MLIP: variants seen among roughly 807,000 people sequenced by gnomAD.
MLIP encodes the protein muscular LMNA-interacting protein.
MLIP carries 79 observed loss-of-function variants against 84.8 expected under a neutral mutation model. That is an observed-to-expected ratio of 0.93 (90% CI 0.78 to 1.12). MLIP has a LOEUF of 1.12. Ranked by LOEUF, MLIP falls within the 50% of genes most tolerant of loss-of-function variation. The pLI is 0.00. For synonymous variants in MLIP, 504 were observed against 463.0 expected, an observed-to-expected ratio of 1.09 and a Z score of -1.14; for missense variants, 1,257 against 1,160.6, an observed-to-expected ratio of 1.08 and a Z score of -1.21.
chr6:54,127,193 G>A (rs951442124), intron 3 of MLIP, among the ~76,000 whole-genome samples: 7 of 150,212 alleles, frequency 4.7e-5, no homozygotes, highest in Non-Finnish European at 7.4e-5. Context: ...TCATGTTTGT[G>A]ATTTTCTTTA....
At chr6:54,036,789 G>A (rs950954543) in intron 1 of MLIP, among the ~76,000 whole-genome samples, 1 of 152,020 alleles carries the variant, frequency 6.6e-6, no homozygotes, top group African/African-American at 2.4e-5. Context: ...TGCATTCCAT[G>A]TTCATTGTGA....
chr6:54,137,507 G>C lies in MLIP; in HGVS notation c.1438G>C (p.Glu480Gln). 6.5e-7 allele frequency: 1 copy of C among 1,536,058 alleles called. No individual in the cohort carries two copies. Among genetic ancestry groups the C allele is most frequent in the Non-Finnish European group, 8.7e-7 (1 of 1,146,890 alleles). Residue 480 changes from glutamate (E) to glutamine (Q), a missense_variant, in exon 4 of 14, where the codon GAA becomes CAA. Physicochemically the swap from Glu to Gln is conservative, Grantham distance 29. Coordinates refer to ENST00000502396, the MANE Select transcript of MLIP (RefSeq NM_001281747.2). ...GAGAGCCGGGTCACCAGATCAAGGG[G>C]AACTCCAGGTTTCTGAATTGACCCA... ...SLRAGSPDQG[E>Q]LQVSELTQQS...
chr6:54,261,227 C>T (rs948484440), intron 13 of MLIP, among the ~76,000 whole-genome samples: 1 of 152,014 alleles, frequency 6.6e-6, no homozygotes, highest in Non-Finnish European at 1.5e-5. Flanking sequence ...ACAACCACTC[C>T]ATAAACTACT....
intron 9 of MLIP, among the ~76,000 whole-genome samples, chr6:54,181,303 G>A (rs1327875135): frequency 6.6e-6 from 1 of 152,108 alleles, no homozygotes; most frequent in African/African-American, 2.4e-5. Flanking sequence ...ACCAGCACAT[G>A]GGCTGGGGCG....
rs1771896069 is a variant in MLIP, at chr6:54,137,304, C to T, written c.1235C>T (p.Ser412Phe). 6.5e-7 allele frequency: 1 copy of T among 1,535,946 alleles called. No homozygotes were observed. The highest frequency in any genetic ancestry group is 2.0e-5 in the Admixed American group (1 of 50,962). ...SKSGVKSPVP[S>F]RLALLTAILK... ...TCAGGGGTAAAATCCCCGGTGCCTT[C>T]CCGGCTTGCCCTTCTCACTGCCATT... The change falls in exon 4 of 14, where the codon TCC becomes TTC. Residue 412 changes from serine to phenylalanine, a missense_variant. Ser to Phe is a radical substitution (Grantham distance 155). Transcript: ENST00000502396.
At chr6:54,181,289 C>T (rs557546372) in intron 9 of MLIP, among the ~76,000 whole-genome samples, 2 of 152,270 alleles carry the variant, frequency 1.3e-5, no homozygotes, top group South Asian at 2.1e-4. Context: ...TGGCCACCAA[C>T]ACCACCAGCA....
At chr6:54,221,462 A>T (rs975882518) in intron 11 of MLIP, among the ~76,000 whole-genome samples, 5 of 151,950 alleles carry the variant, frequency 3.3e-5, no homozygotes, top group Admixed American at 6.6e-5. Flanking sequence ...ACCACAAATT[A>T]AAAAAAAGGA....
At chr6:54,264,436 G>A (rs773264333) in intron 13 of MLIP, among the ~76,000 whole-genome samples, 7 of 152,018 alleles carry the variant, frequency 4.6e-5, no homozygotes, top group African/African-American at 7.2e-5. Flanking sequence ...GGAATAAGCT[G>A]GGGTTTAATT....
intron 5 of MLIP, among the ~76,000 whole-genome samples, chr6:54,153,470 T>A (rs1217584289): frequency 6.6e-6 from 1 of 152,068 alleles, no homozygotes; most frequent in Non-Finnish European, 1.5e-5. Flanking sequence ...CCCAGCTAAG[T>A]TGCCTATTTA....
At chr6:54,158,883 A>AT (rs542771882) in intron 5 of MLIP, among the ~76,000 whole-genome samples, 4 of 134,582 alleles carry the variant, frequency 3.0e-5, no homozygotes, top group African/African-American at 1.1e-4. Flanking sequence ...AAAAAAAAAA[A>AT]TTTTCAAAGG....
chr6:54,252,120 A>G (rs1265486948), intron 12 of MLIP, among the ~76,000 whole-genome samples: 2 of 99,694 alleles, frequency 2.0e-5, no homozygotes, highest in South Asian at 6.3e-4. Context: ...ATATAACTAT[A>G]TTATAACATA....
intron 12 of MLIP, among the ~76,000 whole-genome samples, chr6:54,253,558 A>C (rs534275357): frequency 9.9e-5 from 15 of 152,226 alleles, no homozygotes; most frequent in Non-Finnish European, 1.8e-4. Context: ...TCTTGTGTAC[A>C]TTAAAGACTT....
intron 1 of MLIP, among the ~76,000 whole-genome samples, chr6:54,083,884 T>A (rs557649811): frequency 5.9e-5 from 9 of 152,290 alleles, no homozygotes; most frequent in East Asian, 3.9e-4. Flanking sequence ...GGTAAATTGT[T>A]GGTAGGAATG....
At chr6:54,134,613 A>C (rs1219679916) in intron 3 of MLIP, among the ~76,000 whole-genome samples, 1 of 152,018 alleles carries the variant, frequency 6.6e-6, no homozygotes, top group South Asian at 2.1e-4. Flanking sequence ...ATATTAATTA[A>C]TGTAGTAGAA....
chr6:54,140,169 A>C lies in MLIP; in HGVS notation c.2217+1883A>C, dbSNP rs550927368. Among the ~76,000 whole-genome samples the C allele has an allele frequency of 2.2e-4, 33 of 152,268 alleles. 1 individual carries two copies. In the South Asian group the frequency reaches 6.6e-3, roughly 31 times the overall value. ...CTATCATTTTTTGAACCATGATGCC[A>C]TATACTTATTCTTTTTTTGTGAAAA... On this transcript the variant is annotated intron_variant, in intron 4 of 13. Transcript: ENST00000502396.
intron 1 of MLIP, among the ~76,000 whole-genome samples, chr6:54,033,944 G>GTTAA (rs1456360622): frequency 6.6e-6 from 1 of 152,052 alleles, no homozygotes; most frequent in Non-Finnish European, 1.5e-5. Flanking sequence ...CTAACATCTT[G>GTTAA]TTAATAACAT....
intron 9 of MLIP, among the ~76,000 whole-genome samples, chr6:54,183,856 C>T (rs975170226): frequency 4.1e-5 from 6 of 147,870 alleles, no homozygotes; most frequent in African/African-American, 1.2e-4. Context: ...TAAGTTCCAT[C>T]GATAGTAAGA....
intron 11 of MLIP, among the ~76,000 whole-genome samples, chr6:54,211,616 T>G (rs938184593): frequency 6.6e-6 from 1 of 152,242 alleles, no homozygotes; most frequent in Non-Finnish European, 1.5e-5. Context: ...GAAACCTGAA[T>G]CTCATCAGTG....
At chr6:54,187,841 T>TA (rs1431174910) in intron 9 of MLIP, among the ~76,000 whole-genome samples, 1 of 151,688 alleles carries the variant, frequency 6.6e-6, no homozygotes, top group East Asian at 1.9e-4. Flanking sequence ...CATCTCTAAT[T>TA]AAAAAAATAC....
Sources: gnomAD v4.1 joint callset for allele counts (sites outside exome capture counted in the v4.1 genomes callset) on GRCh38, gnomAD v4.1.1 for gene constraint, MANE v1.5 for transcripts, NCBI Gene and HGNC (gene_info 2026-07-23, HGNC 2026-07-21) for gene names.